The following SLC25A26 variants were observed in gnomAD, a reference collection of about 807,000 sequenced individuals.
The protein encoded by SLC25A26 is mitochondrial S-adenosylmethionine carrier protein.
SLC25A26 carries 36 observed loss-of-function variants against 37.8 expected under a neutral mutation model. The observed-to-expected ratio is 0.95, with a 90% confidence interval of 0.73 to 1.26. The LOEUF is 1.26. Among genes scored for constraint, SLC25A26 ranks in the 50% most tolerant of loss-of-function variants. The probability of loss-of-function intolerance (pLI) is 0.00; values close to 1 mark genes in which losing one functional copy is unlikely to be tolerated. For missense variants in SLC25A26, 390 were observed against 331.1 expected, an observed-to-expected ratio of 1.18 and a Z score of -1.38; for synonymous variants, 129 against 122.5, an observed-to-expected ratio of 1.05 and a Z score of -0.35.
chr3:66,141,627 G>A (rs1020784201), intron 1 of SLC25A26, among the ~76,000 whole-genome samples: 6 of 151,588 alleles, frequency 4.0e-5, no homozygotes, highest in South Asian at 4.2e-4. Flanking sequence ...ATTCTCCTAC[G>A]TCAGCCACCC....
In SLC25A26 at chr3:66,158,364, A is replaced by G. The variant is rs532117534; in HGVS notation, c.-354+24380A>G. 3.8e-4 allele frequency among the ~76,000 whole-genome samples: 58 copies of G among 152,252 alleles called. 1 individual carries two copies. The South Asian group carries it at 0.011, about 30-fold the overall frequency. The stretch of plus-strand genomic sequence containing the variant: ...TTTACCTGTTCATCAACTGATGGAA[A>G]TTTGGGTTCTTTCATTTTTTGGCTA... On this transcript the variant is annotated intron_variant, in intron 1 of 10. Transcript: ENST00000676754.
chr3:66,294,328 C>T (rs192821295), intron 5 of SLC25A26, among the ~76,000 whole-genome samples: 6 of 152,030 alleles, frequency 3.9e-5, no homozygotes, highest in Middle Eastern at 3.4e-3. Context: ...CTTGGCTTGC[C>T]GGTGTATAGG....
intron 1 of SLC25A26, among the ~76,000 whole-genome samples, chr3:66,235,883 T>G (rs1021578046): frequency 4.6e-5 from 7 of 152,164 alleles, no homozygotes; most frequent in African/African-American, 1.7e-4. Flanking sequence ...GCTCTTTACC[T>G]TTTTTCTGAA....
At chr3:66,175,829 C>T (rs191000691) in intron 1 of SLC25A26, among the ~76,000 whole-genome samples, 16 of 152,294 alleles carry the variant, frequency 1.1e-4, no homozygotes, top group South Asian at 1.0e-3. Flanking sequence ...CACATTAGGG[C>T]GGACTATCTG....
At chr3:66,140,196 G>T (rs1208485367) in intron 1 of SLC25A26, among the ~76,000 whole-genome samples, 1 of 152,178 alleles carries the variant, frequency 6.6e-6, no homozygotes, top group Non-Finnish European at 1.5e-5. Context: ...ACAATGGAAA[G>T]AGGTTCTTTG....
At chr3:66,288,797 G>A (rs1226601237) in intron 5 of SLC25A26, among the ~76,000 whole-genome samples, 1 of 152,164 alleles carries the variant, frequency 6.6e-6, no homozygotes, top group African/African-American at 2.4e-5. Context: ...ACTTGTGCAT[G>A]TGTCTTTATA....
At chr3:66,371,981 C>G (rs958328227) in intron 9 of SLC25A26, among the ~76,000 whole-genome samples, 2 of 152,088 alleles carry the variant, frequency 1.3e-5, no homozygotes, top group East Asian at 3.9e-4. Flanking sequence ...CACCTGTAGT[C>G]GCAGCTACTC....
At chr3:66,296,506 A>G (rs1437518837) in intron 5 of SLC25A26, among the ~76,000 whole-genome samples, 2 of 152,222 alleles carry the variant, frequency 1.3e-5, no homozygotes, top group African/African-American at 4.8e-5. Context: ...TATATTGCTT[A>G]TTTAAATAAT....
chr3:66,259,137 C>G (rs751789562), intron 3 of SLC25A26, among the ~76,000 whole-genome samples: 7 of 152,164 alleles, frequency 4.6e-5, no homozygotes, highest in East Asian at 1.9e-4. Context: ...GGAAGCCCCC[C>G]ACACGTGAGA....
Position 66,232,811 on chromosome 3 carries a change from T to C in SLC25A26, c.34-3733T>C, listed in dbSNP as rs181252781. ...GCTGTTGGAAAGTTTGGAAGATTTA[T>C]AGGCTGGAGAGTGGCAAGATGAAAT... On this transcript the variant is annotated intron_variant, in intron 1 of 9. Transcript: ENST00000354883. Among the ~76,000 whole-genome samples, 3 of 152,366 alleles carry C rather than the reference T, an allele frequency of 2.0e-5. No individual in the cohort carries two copies. In the East Asian group the frequency reaches 5.8e-4, roughly 29 times the overall value.
chr3:66,221,058 C>T lies in SLC25A26; in HGVS notation c.-37C>T, dbSNP rs1553658084. On this transcript the variant is annotated 5_prime_UTR_variant, in exon 1 of 10. Transcript: ENST00000354883. ...GCGAGGACGTGATCCGCTTCTGCTCCGGCTTGGATTGTAGCCTTGACGAGG... is the reference window on the plus strand; with the variant it reads ...GCGAGGACGTGATCCGCTTCTGCTCTGGCTTGGATTGTAGCCTTGACGAGG... 2 of 1,535,752 alleles carry T rather than the reference C, an allele frequency of 1.3e-6. No homozygotes were observed. The highest frequency in any genetic ancestry group is 2.0e-5 in the Admixed American group (1 of 50,898).
At chr3:66,207,081 C>T (rs944740008) in intron 1 of SLC25A26, among the ~76,000 whole-genome samples, 4 of 151,686 alleles carry the variant, frequency 2.6e-5, no homozygotes, top group Non-Finnish European at 5.9e-5. Context: ...TCAAAAGACT[C>T]GGTAGGCTTT....
intron 5 of SLC25A26, among the ~76,000 whole-genome samples, chr3:66,264,157 A>C (rs1395956996): frequency 6.7e-6 from 1 of 150,242 alleles, no homozygotes; most frequent in Non-Finnish European, 1.5e-5. Flanking sequence ...CTGTAATCCC[A>C]GTTACTCGGG....
intron 1 of SLC25A26, among the ~76,000 whole-genome samples, chr3:66,212,163 G>A (rs2071292593): frequency 6.6e-6 from 1 of 152,134 alleles, no homozygotes; most frequent in Non-Finnish European, 1.5e-5. Context: ...CCAGGCTGGA[G>A]TGCACTGGTG....
rs551369772 is a variant in SLC25A26, at chr3:66,378,501, C to A, written c.*694C>A. ...CCAGCTGGCTTCGTGCAGGAGGGCA[C>A]GGTGGGTGAGCCATTCTCGCCATTC... On this transcript the variant is annotated 3_prime_UTR_variant, in exon 10 of 10. Transcript: ENST00000354883. 1 of 152,606 alleles carries A rather than the reference C, an allele frequency of 6.6e-6. No individual in the cohort carries two copies. Among genetic ancestry groups the A allele is most frequent in the African/African-American group, 2.4e-5 (1 of 41,450 alleles). The allele number at this position is 152,606 out of a possible 1,614,324, so 9.5% of individuals were successfully genotyped here. A position where few individuals can be genotyped will look rare whatever the true frequency, so the allele number is the denominator to read the frequency against.
intron 5 of SLC25A26, among the ~76,000 whole-genome samples, chr3:66,291,286 G>A (rs1084531): frequency 0.67 from 102,293 of 151,876 alleles, 35,447 homozygotes; most frequent in African/African-American, 0.84. Context: ...GTGTTTTTGG[G>A]GGGTTTTTTT....
At chr3:66,203,477 C>G (rs1184448112) in intron 1 of SLC25A26, among the ~76,000 whole-genome samples, 1 of 151,910 alleles carries the variant, frequency 6.6e-6, no homozygotes, top group African/African-American at 2.4e-5. Flanking sequence ...AAACTGCTGA[C>G]TAAATATAAT....
chr3:66,179,675 A>G (rs545802160), intron 1 of SLC25A26, among the ~76,000 whole-genome samples: 5 of 151,964 alleles, frequency 3.3e-5, no homozygotes, highest in Non-Finnish European at 7.4e-5. Flanking sequence ...ACTATAACAT[A>G]TACGCTTTAG....
intron 1 of SLC25A26, among the ~76,000 whole-genome samples, chr3:66,157,122 C>T (rs1445999519): frequency 6.6e-6 from 1 of 152,110 alleles, no homozygotes; most frequent in Admixed American, 6.5e-5. Flanking sequence ...GCCGCCCCAG[C>T]TGCTTGGAGG....
Sources: allele counts gnomAD v4.1 joint callset (sites outside exome capture counted in the v4.1 genomes callset), GRCh38; gene constraint gnomAD v4.1.1; transcripts MANE v1.5; gene names NCBI Gene and HGNC (gene_info 2026-07-23, HGNC 2026-07-21).